Variants in LRRK1 observed in about 807,000 individuals in gnomAD.
LRRK1 encodes leucine-rich repeat serine/threonine-protein kinase 1.
A neutral mutation model predicts 209.1 loss-of-function variants in LRRK1; 113 were observed. That is an observed-to-expected ratio of 0.54 (90% CI 0.46 to 0.63). LRRK1 has a LOEUF of 0.63. Ranked by LOEUF, LRRK1 falls within the 30% of genes least tolerant of loss-of-function variation. The pLI is 0.00. For missense variants in LRRK1, 2,284 were observed against 2,632.2 expected (o/e 0.87, Z 2.89); for synonymous variants, 1,144 against 1,099.7 (o/e 1.04, Z -0.80).
At chr15:101,015,231 T>A in intron 11 of LRRK1, 95 bp from the exon 12 acceptor site, 1 of 948,858 alleles carries the variant, frequency 1.1e-6, no homozygotes, top group Non-Finnish European at 1.7e-6. Flanking sequence ...CATGAATTGC[T>A]CCCTATCTCC....
At chr15:101,043,334 C>T (rs1033543631) in intron 20 of LRRK1, among the ~76,000 whole-genome samples, 1 of 152,214 alleles carries the variant, frequency 6.6e-6, no homozygotes, top group Non-Finnish European at 1.5e-5. Context: ...TTTCTTGCTG[C>T]TCCAGCTCTC....
chr15:100,962,818 T>TACACATATATATATATACAC (rs1596204775), intron 2 of LRRK1, among the ~76,000 whole-genome samples: 1 of 33,346 alleles, frequency 3.0e-5, no homozygotes, highest in Non-Finnish European at 6.3e-5. Flanking sequence ...TATATATATA[T>TACACATATATATATATACAC]ATATATTTTT....
rs2037034636 is a variant in LRRK1 at position 101,077,839 on chromosome 15, T to G, written c.*8991T>G. 6.6e-6 allele frequency: 1 copy of G among 152,222 alleles called. No individual in the cohort carries two copies. The highest frequency in any genetic ancestry group is 1.5e-5 in the Non-Finnish European group (1 of 68,058). The allele number at this position is 152,222 out of a possible 1,614,324, so 9.4% of individuals were successfully genotyped here. On this transcript the variant is annotated 3_prime_UTR_variant, in exon 34 of 34. Coordinates refer to ENST00000388948, the MANE Select transcript of LRRK1 (RefSeq NM_024652.6). ...TCTTATTAATATAAGAAGGCAGGAA[T>G]GTCAGGCCTCTGAGCCCAAGCTAAG...
intron 2 of LRRK1, among the ~76,000 whole-genome samples, chr15:100,954,508 C>T (rs1330028879): frequency 6.6e-6 from 1 of 151,994 alleles, no homozygotes; most frequent in East Asian, 1.9e-4. Context: ...GATGTAATCC[C>T]ATTTGTTTAT....
intron 1 of LRRK1, among the ~76,000 whole-genome samples, chr15:100,921,717 G>A (rs2141588017): frequency 6.6e-6 from 1 of 152,252 alleles, no homozygotes; most frequent in Admixed American, 6.5e-5. Flanking sequence ...ATGAATGACA[G>A]GTTCTTCTCT....
chr15:100,993,008 A>G (rs1339120320), intron 6 of LRRK1, among the ~76,000 whole-genome samples: 3 of 152,164 alleles, frequency 2.0e-5, no homozygotes, highest in Non-Finnish European at 4.4e-5. Context: ...AGGTTAAAGC[A>G]AGGCCTTGGC....
intron 2 of LRRK1, among the ~76,000 whole-genome samples, chr15:100,928,060 C>T (rs1444256280): frequency 6.6e-6 from 1 of 151,328 alleles, no homozygotes; most frequent in East Asian, 2.0e-4. Context: ...CTTTGCTCAT[C>T]GGTGCTGTTT....
chr15:100,997,644 A>T (rs2032481195), intron 6 of LRRK1, among the ~76,000 whole-genome samples: 6 of 152,246 alleles, frequency 3.9e-5, no homozygotes, highest in Admixed American at 3.9e-4. Context: ...TTGGCAGAGC[A>T]CAGAGCAACG....
At chr15:101,045,927 C>A (rs1436159396) in intron 20 of LRRK1, 54 bp from the exon 21 acceptor site, 1 of 1,504,568 alleles carries the variant, frequency 6.6e-7, no homozygotes, top group Non-Finnish European at 9.2e-7. Flanking sequence ...GGGTCAGGGC[C>A]CTGCAGTGGA....
intron 5 of LRRK1, 133 bp downstream of exon 5, chr15:100,988,946 CTA>C (rs2032018056): frequency 9.3e-6 from 7 of 754,626 alleles, no homozygotes; most frequent in East Asian, 5.4e-5. Context: ...AACTCCTGTT[CTA>C]TGTTTCTTTT....
intron 3 of LRRK1, among the ~76,000 whole-genome samples, chr15:100,981,366 G>T (rs1373967411): frequency 6.6e-6 from 1 of 152,178 alleles, no homozygotes; most frequent in Non-Finnish European, 1.5e-5. Context: ...TGCTTTCCTG[G>T]AATGACAGGG....
At chr15:101,018,641 C>T in intron 12 of LRRK1, among the ~76,000 whole-genome samples, 1 of 152,194 alleles carries the variant, frequency 6.6e-6, no homozygotes, top group East Asian at 1.9e-4. Flanking sequence ...CACCATAGGA[C>T]TACGCGCGGT....
chr15:101,030,199 T>G (rs2034221119), intron 20 of LRRK1, among the ~76,000 whole-genome samples: 1 of 152,120 alleles, frequency 6.6e-6, no homozygotes, highest in South Asian at 2.1e-4. Flanking sequence ...GGTAGCCCTC[T>G]AGGTGCCCCC....
chr15:100,967,051 C>T (rs6598405), intron 2 of LRRK1, among the ~76,000 whole-genome samples: 106,968 of 152,082 alleles, frequency 0.7, 37,968 homozygotes, highest in Middle Eastern at 0.76. Context: ...ACTGGATAAG[C>T]GGGTATTTGT....
chr15:101,048,643 T>C lies in LRRK1; in HGVS notation c.3285T>C (p.Asp1095=). The change falls in exon 22 of 34, where the codon GAT becomes GAC. Residue 1095 remains aspartate, a synonymous_variant. Coordinates refer to ENST00000388948, the MANE Select transcript of LRRK1 (RefSeq NM_024652.6). The stretch of plus-strand genomic sequence containing the variant: ...AGGAAGGGCTCCTGGTCACTTTTGA[T>C]GGGGGCTACCTCAGGTAGGAACACC... ...YWQEGLLVTF[D]GGYLSVESSD... The C allele has an allele frequency of 6.5e-7, 1 of 1,533,518 alleles. No individual in the cohort carries two copies. Among genetic ancestry groups the C allele is most frequent in the Non-Finnish European group, 8.7e-7 (1 of 1,148,438 alleles). The allele number at this position is 1,533,518 out of a possible 1,614,324, so 95.0% of individuals were successfully genotyped here.
At chr15:100,945,268 C>T (rs533807293) in intron 2 of LRRK1, among the ~76,000 whole-genome samples, 51 of 152,144 alleles carry the variant, frequency 3.4e-4, no homozygotes, top group Middle Eastern at 6.8e-3. Context: ...TGTTTATGCC[C>T]CAATCCCTGA....
Position 101,053,345 on chromosome 15 carries a change from A to G in LRRK1, c.3979A>G (p.Ile1327Val). 6.2e-7 allele frequency: 1 copy of G among 1,603,488 alleles called. No homozygotes were observed. The highest frequency in any genetic ancestry group is 8.5e-7 in the Non-Finnish European group (1 of 1,179,904). The change falls in exon 26 of 34, where the codon ATC (isoleucine) becomes GTC (valine). Residue 1327 changes from isoleucine to valine, a missense_variant. Transcript: ENST00000388948. ...PCIVALIGIS[I>V]HPLCFALELA... The stretch of plus-strand genomic sequence containing the variant: ...CATCGTGGCGCTCATCGGCATCAGC[A>G]TCCACCCGCTCTGCTTCGCCCTGGA...
chr15:101,030,574 C>T (rs913370901), intron 20 of LRRK1, among the ~76,000 whole-genome samples: 3 of 152,142 alleles, frequency 2.0e-5, no homozygotes, highest in Non-Finnish European at 4.4e-5. Context: ...CCTTCCCCCA[C>T]GCCCCACCCA....
chr15:101,061,316 C>T (rs187560146), intron 30 of LRRK1, 28 bp downstream of exon 30: 106 of 1,535,856 alleles, frequency 6.9e-5, no homozygotes, highest in Admixed American at 4.4e-4. Flanking sequence ...GCCTGCCCAC[C>T]GAGGTAAGCA....
Sources: allele counts gnomAD v4.1 joint callset (sites outside exome capture counted in the v4.1 genomes callset), GRCh38; gene constraint gnomAD v4.1.1; transcripts MANE v1.5; gene names NCBI Gene and HGNC (gene_info 2026-07-23, HGNC 2026-07-21).